Variants in KALRN observed in about 807,000 individuals in gnomAD.
The protein encoded by KALRN is kalirin.
KALRN carries 70 observed loss-of-function variants against 353.7 expected under a neutral mutation model. The observed-to-expected ratio is 0.20, with a 90% CI of 0.16 to 0.24. The LOEUF is 0.24. Ranked by LOEUF, KALRN falls within the 10% of genes least tolerant of loss-of-function variation. KALRN has a pLI of 1.00. For missense variants in KALRN, 2,791 were observed against 3,756.7 expected, an observed-to-expected ratio of 0.74 and a Z score of 6.72; for synonymous variants, 1,391 against 1,434.8, an observed-to-expected ratio of 0.97 and a Z score of 0.69.
intron 6 of KALRN, 33 bp from the exon 7 acceptor site, chr3:124,325,947 C>T: frequency 6.3e-7 from 1 of 1,579,154 alleles, no homozygotes; most frequent in Non-Finnish European, 8.6e-7. Flanking sequence ...TCTTTTGAGC[C>T]TGCCCCACTG....
chr3:124,656,068 C>A (rs985246256), intron 39 of KALRN, among the ~76,000 whole-genome samples: 1 of 152,066 alleles, frequency 6.6e-6, no homozygotes, highest in African/African-American at 2.4e-5. Context: ...TTATACATTT[C>A]CATAGATTTC....
intron 55 of KALRN, among the ~76,000 whole-genome samples, chr3:124,698,348 C>T (rs1291207467): frequency 2.0e-5 from 3 of 152,250 alleles, no homozygotes; most frequent in Non-Finnish European, 4.4e-5. Context: ...TTAGCCTCCT[C>T]ATCTTTCAGA....
intron 1 of KALRN, among the ~76,000 whole-genome samples, chr3:124,146,559 G>A (rs1466744754): frequency 2.6e-5 from 4 of 152,074 alleles, no homozygotes; most frequent in African/African-American, 9.7e-5. Context: ...GGTGGGGAAA[G>A]GGCAGATGTT....
chr3:124,708,490 A>C (rs547425992), intron 57 of KALRN, among the ~76,000 whole-genome samples: 1 of 152,336 alleles, frequency 6.6e-6, no homozygotes, highest in Non-Finnish European at 1.5e-5. Flanking sequence ...TAAAATTTTT[A>C]AATTTACAGC....
chr3:124,308,459 A>G (rs2077921455), intron 6 of KALRN, among the ~76,000 whole-genome samples: 1 of 152,034 alleles, frequency 6.6e-6, no homozygotes, highest in East Asian at 1.9e-4. Flanking sequence ...GATAGAAATA[A>G]TGCCAGATAT....
intron 1 of KALRN, among the ~76,000 whole-genome samples, chr3:124,053,446 C>T (rs2041231676): frequency 6.6e-6 from 1 of 152,094 alleles, no homozygotes; most frequent in South Asian, 2.1e-4. Flanking sequence ...CAGACAATCT[C>T]CAGGTTTTGG....
At chr3:124,166,100 T>C (rs928041702) in intron 1 of KALRN, among the ~76,000 whole-genome samples, 2 of 152,154 alleles carry the variant, frequency 1.3e-5, no homozygotes, top group African/African-American at 4.8e-5. Context: ...AAAGTGGCCT[T>C]TCTTAACCAC....
chr3:124,587,058 G>T (rs537398208), intron 34 of KALRN, among the ~76,000 whole-genome samples: 2 of 152,344 alleles, frequency 1.3e-5, no homozygotes, highest in East Asian at 1.9e-4. Flanking sequence ...TTTGGGAAGA[G>T]GCTTGCCCAA....
chr3:124,568,823 C>G (rs747360845), intron 34 of KALRN, among the ~76,000 whole-genome samples: 1 of 152,096 alleles, frequency 6.6e-6, no homozygotes, highest in Non-Finnish European at 1.5e-5. Context: ...ATGATGATTG[C>G]CAGGGGCTGG....
chr3:124,455,658 G>T (rs1450834178), intron 22 of KALRN, among the ~76,000 whole-genome samples: 1 of 152,106 alleles, frequency 6.6e-6, no homozygotes, highest in African/African-American at 2.4e-5. Flanking sequence ...TTGACTTTGA[G>T]AACCAAAAGC....
At chr3:124,537,606 T>C (rs1440713359) in intron 33 of KALRN, among the ~76,000 whole-genome samples, 1 of 151,948 alleles carries the variant, frequency 6.6e-6, no homozygotes, top group Non-Finnish European at 1.5e-5. Flanking sequence ...AGAAGTGTGG[T>C]TTGGGAAAGG....
chr3:124,594,456 C>T (rs184205142), intron 34 of KALRN, among the ~76,000 whole-genome samples: 15 of 152,232 alleles, frequency 9.9e-5, no homozygotes, highest in African/African-American at 3.6e-4. Flanking sequence ...GATCTCTTGA[C>T]CTTGTGATCC....
intron 1 of KALRN, among the ~76,000 whole-genome samples, chr3:124,051,632 C>T (rs2041055165): frequency 1.3e-5 from 2 of 151,984 alleles, no homozygotes; most frequent in East Asian, 1.9e-4. Flanking sequence ...TGTTTTTATC[C>T]AAAATTCTTT....
chr3:124,423,925 T>G (rs2092901591), intron 15 of KALRN, among the ~76,000 whole-genome samples: 1 of 152,198 alleles, frequency 6.6e-6, no homozygotes, highest in South Asian at 2.1e-4. Flanking sequence ...AAGTGGTAAT[T>G]GTTTTAATTA....
At chr3:124,327,568 C>A (rs573148966) in intron 7 of KALRN, among the ~76,000 whole-genome samples, 1 of 152,190 alleles carries the variant, frequency 6.6e-6, no homozygotes, top group Non-Finnish European at 1.5e-5. Flanking sequence ...ATGAACTTAC[C>A]TGTGTATATG....
chr3:124,159,582 T>C (rs2069582129), intron 1 of KALRN, among the ~76,000 whole-genome samples: 1 of 151,932 alleles, frequency 6.6e-6, no homozygotes, highest in Non-Finnish European at 1.5e-5. Context: ...GGCTTTTTTT[T>C]TTTTTTTTTA....
chr3:124,194,137 TGAAGCAATTA>T, intron 1 of KALRN, among the ~76,000 whole-genome samples: 1 of 152,020 alleles, frequency 6.6e-6, no homozygotes, highest in Admixed American at 6.6e-5. Context: ...AGAACACCTA[TGAAGCAATTA>T]GAGAGCAAGA....
chr3:124,368,627 A>G (rs1189946973), intron 10 of KALRN, among the ~76,000 whole-genome samples: 2 of 130,618 alleles, frequency 1.5e-5, no homozygotes, highest in African/African-American at 2.9e-5. Flanking sequence ...ATGGGCGGCC[A>G]GGCAGAGACA....
chr3:124,355,706 C>T (rs1345584348), intron 10 of KALRN, among the ~76,000 whole-genome samples: 6 of 104,312 alleles, frequency 5.8e-5, no homozygotes, highest in African/African-American at 2.1e-4. Context: ...AACTCTCTCC[C>T]ATCTTTTTTT....
Sources: allele counts gnomAD v4.1 joint callset (sites outside exome capture counted in the v4.1 genomes callset), GRCh38; gene constraint gnomAD v4.1.1; transcripts MANE v1.5; gene names NCBI Gene and HGNC (gene_info 2026-07-23, HGNC 2026-07-21).